MATK: variants seen among roughly 807,000 people sequenced by gnomAD.
MATK encodes the protein megakaryocyte-associated tyrosine kinase, also known as megakaryocyte-associated tyrosine-protein kinase.
MATK carries 41 observed loss-of-function variants against 59.8 expected under a neutral mutation model. That is an observed-to-expected ratio of 0.69 (90% CI 0.53 to 0.89). MATK has a LOEUF of 0.89. Ranked by LOEUF, MATK falls within the 40% of genes least tolerant of loss-of-function variation. The pLI is 0.00. For synonymous variants in MATK, 308 were observed against 306.1 expected (o/e 1.01, Z -0.06); for missense variants, 593 against 719.6 (o/e 0.82, Z 2.01).
intron 1 of MATK, among the ~76,000 whole-genome samples, chr19:3,801,309 T>C (rs1244765843): frequency 6.6e-6 from 1 of 151,758 alleles, no homozygotes; most frequent in Non-Finnish European, 1.5e-5. Flanking sequence ...GCAACAATCT[T>C]TTCCCAAACG....
Position 3,785,062 on chromosome 19 carries a change from A to AC in MATK, c.72+1dup. On this transcript the variant is annotated splice_donor_variant, in intron 2 of 13. Transcript: ENST00000310132. LOFTEE classifies it high-confidence loss of function. ...AAGCCCCTGTGGGGAAGTGATCTTT[A>AC]CCCGGGGAAGTTCCTCAGCAGAATC... The AC allele has an allele frequency of 6.2e-7, 1 of 1,611,924 alleles. No homozygotes were observed. Among genetic ancestry groups the AC allele is most frequent in the Non-Finnish European group, 8.5e-7 (1 of 1,178,130 alleles).
At chr19:3,792,725 C>T (rs900376130) in intron 1 of MATK, among the ~76,000 whole-genome samples, 5 of 152,158 alleles carry the variant, frequency 3.3e-5, no homozygotes, top group African/African-American at 1.2e-4. Context: ...ACCATGTTGG[C>T]CAGGCTGGTC....
chr19:3,783,559 C>T (rs1033190708), intron 6 of MATK, among the ~76,000 whole-genome samples: 2 of 151,874 alleles, frequency 1.3e-5, no homozygotes, highest in African/African-American at 4.8e-5. Context: ...TCCTGTCTGC[C>T]CATCTGAGAT....
chr19:3,782,149 CAG>C (rs1458589674), intron 7 of MATK, among the ~76,000 whole-genome samples: 1 of 152,168 alleles, frequency 6.6e-6, no homozygotes, highest in Non-Finnish European at 1.5e-5. Flanking sequence ...GAAACACACA[CAG>C]AGCAAAAAAA....
chr19:3,781,678 G>C lies in MATK; in HGVS notation c.677-6C>G. The C allele has an allele frequency of 1.2e-6, 2 of 1,612,660 alleles. No homozygotes were observed. The highest frequency in any genetic ancestry group is 1.7e-6 in the Non-Finnish European group (2 of 1,179,746). ...CAGGTTCAGTAACCAGCCCGCTGTG[G>C]AGTGAAGACCCAGTCAGAGGGGTAA... On this transcript the variant is annotated splice_polypyrimidine_tract_variant and splice_region_variant and intron_variant, in intron 7 of 13. Coordinates refer to ENST00000310132, the MANE Select transcript of MATK (RefSeq NM_139355.3).
chr19:3,782,516 T>C (rs1018985718), intron 7 of MATK, among the ~76,000 whole-genome samples: 6 of 152,170 alleles, frequency 3.9e-5, no homozygotes, highest in Non-Finnish European at 8.8e-5. Context: ...GGGAACAGAA[T>C]ATACAATGGC....
At chr19:3,795,796 G>C (rs1174652612) in intron 1 of MATK, among the ~76,000 whole-genome samples, 1 of 108,682 alleles carries the variant, frequency 9.2e-6, no homozygotes, top group Non-Finnish European at 1.7e-5. Context: ...GAATCTCACT[G>C]TTTCGTCCAG....
chr19:3,798,378 G>A (rs1467224267), intron 1 of MATK, among the ~76,000 whole-genome samples: 1 of 151,528 alleles, frequency 6.6e-6, no homozygotes, highest in Non-Finnish European at 1.5e-5. Context: ...GCGGGTGGGG[G>A]TGGGGGTCAC....
At chr19:3,795,057 A>G (rs1275127756) in intron 1 of MATK, among the ~76,000 whole-genome samples, 1 of 133,906 alleles carries the variant, frequency 7.5e-6, no homozygotes, top group African/African-American at 2.9e-5. Flanking sequence ...GGCTCACTGC[A>G]CGCTCCACCT....
At chr19:3,783,265 A>C (rs759108912) in intron 6 of MATK, 46 bp from the exon 7 acceptor site, 1 of 935,514 alleles carries the variant, frequency 1.1e-6, no homozygotes, top group Non-Finnish European at 1.5e-6. Context: ...AGGGAGGGGA[A>C]CCCCAGCATC....
At chr19:3,783,505 G>GCC (rs200705770) in intron 6 of MATK, among the ~76,000 whole-genome samples, 1 of 152,028 alleles carries the variant, frequency 6.6e-6, no homozygotes, top group African/African-American at 2.4e-5. Flanking sequence ...ATAGGGATCA[G>GCC]CCCCCCTATT....
At chr19:3,791,069 T>C (rs149275676), upstream of MATK, among the ~76,000 whole-genome samples, 680 of 152,280 alleles carry the variant, frequency 4.5e-3, 5 homozygotes, top group African/African-American at 0.016. Flanking sequence ...AGCCAGTCTT[T>C]CTTTTTTGAT....
chr19:3,788,496 T>C (rs1599203982), upstream of MATK, among the ~76,000 whole-genome samples: 1 of 151,500 alleles, frequency 6.6e-6, no homozygotes, highest in South Asian at 2.1e-4. Context: ...GGTGGATGCC[T>C]GTAATCCCAG....
At chr19:3,797,716 A>AC (rs750567101) in intron 1 of MATK, among the ~76,000 whole-genome samples, 36 of 151,518 alleles carry the variant, frequency 2.4e-4, no homozygotes, top group Non-Finnish European at 4.7e-4. Flanking sequence ...ACATAGTGAG[A>AC]CCCCAATCTC....
chr19:3,779,120 T>C lies in MATK; in HGVS notation c.1069A>G (p.Asn357Asp), dbSNP rs1248527679. The change falls in exon 12 of 14, where the codon AAC (asparagine) becomes GAC (aspartate). Residue 357 changes from asparagine to aspartate, a missense_variant. Asn to Asp is a conservative substitution (Grantham distance 23). Transcript: ENST00000310132. ...KLVHRDLAAR[N>D]ILVSEDLVAK... is the part of the protein sequence containing the mutation. ...ACCAGGTCCTCTGAGACCAGGATGTTGCGGGCGGCCAGGTCGCGGTGCACA... is the reference window on the plus strand; with the variant it reads ...ACCAGGTCCTCTGAGACCAGGATGTCGCGGGCGGCCAGGTCGCGGTGCACA... The C allele has an allele frequency of 6.2e-7, 1 of 1,610,118 alleles. No homozygotes were observed. Among genetic ancestry groups the C allele is most frequent in the Non-Finnish European group, 8.5e-7 (1 of 1,179,260 alleles).
intron 1 of MATK, 39 bp from the exon 2 acceptor site, chr19:3,785,325 G>T (rs1323165419): frequency 7.6e-6 from 10 of 1,314,148 alleles, no homozygotes; most frequent in Middle Eastern, 2.7e-4. Flanking sequence ...AAATAGGGAT[G>T]AGTCAAGGTC....
upstream of MATK, among the ~76,000 whole-genome samples, chr19:3,790,554 T>A (rs531774427): frequency 1.3e-5 from 2 of 152,328 alleles, no homozygotes; most frequent in African/African-American, 4.8e-5. Context: ...ATGCTCAGCC[T>A]GGCATCCAGG....
chr19:3,783,422 T>C (rs1044814951), intron 6 of MATK: 4 of 601,456 alleles, frequency 6.7e-6, no homozygotes, highest in Admixed American at 2.9e-5. Context: ...TCCTGGGGGG[T>C]CCCCAGAGGA....
At chr19:3,782,461 T>C (rs753498313) in intron 7 of MATK, among the ~76,000 whole-genome samples, 2 of 152,112 alleles carry the variant, frequency 1.3e-5, no homozygotes, top group African/African-American at 2.4e-5. Context: ...ACCTTAAATA[T>C]TGAGGATTTC....
Sources: gnomAD v4.1 joint callset for allele counts (sites outside exome capture counted in the v4.1 genomes callset) on GRCh38, gnomAD v4.1.1 for gene constraint, MANE v1.5 for transcripts, NCBI Gene and HGNC (gene_info 2026-07-23, HGNC 2026-07-21) for gene names.